Variants in ERO1A observed in about 807,000 individuals in gnomAD.
The protein encoded by ERO1A is endoplasmic reticulum oxidoreductase 1 alpha.
A neutral mutation model predicts 76.9 loss-of-function variants in ERO1A; 49 were observed. That is an observed-to-expected ratio of 0.64 (90% CI 0.51 to 0.81). The LOEUF (loss-of-function observed/expected upper bound fraction) is 0.81, where lower values mean the gene tolerates loss of function less well. Among genes scored for constraint, ERO1A ranks in the 30% least tolerant of loss-of-function variants. ERO1A has a pLI of 0.00. For missense variants in ERO1A, 448 were observed against 542.1 expected (o/e 0.83, Z 1.72); for synonymous variants, 174 against 181.2 (o/e 0.96, Z 0.32).
rs1332581420 is a variant in ERO1A, at chr14:52,641,050, G to C, written c.*2520C>G. ...AAGGAATAAATGAAGAGGCCAAAAG[G>C]TGGGGGGTGGTTCAGGAGTGAGCAA... On this transcript the variant is annotated 3_prime_UTR_variant, in exon 16 of 16. Transcript: ENST00000395686. The C allele has an allele frequency of 6.6e-6, 1 of 152,190 alleles. No homozygotes were observed. Among genetic ancestry groups the C allele is most frequent in the Non-Finnish European group, 1.5e-5 (1 of 68,046 alleles). The allele number at this position is 152,190 out of a possible 1,614,324, so 9.4% of individuals were successfully genotyped here. A position where few individuals can be genotyped will look rare whatever the true frequency, so the allele number is the denominator to read the frequency against.
At chr14:52,688,359 T>C (rs2041246753) in intron 1 of ERO1A, among the ~76,000 whole-genome samples, 1 of 152,146 alleles carries the variant, frequency 6.6e-6, no homozygotes, top group Admixed American at 6.5e-5. Flanking sequence ...CAGACCTCCT[T>C]AGGTTTGAAT....
At chr14:52,672,560 G>C (rs1008655394) in intron 4 of ERO1A, among the ~76,000 whole-genome samples, 31 of 151,736 alleles carry the variant, frequency 2.0e-4, no homozygotes, top group African/African-American at 7.3e-4. Context: ...CTTGAGGCCT[G>C]GAATTAAAGA....
At chr14:52,683,980 GTT>G in intron 1 of ERO1A, 73 bp from the exon 2 acceptor site, 3 of 1,216,762 alleles carry the variant, frequency 2.5e-6, no homozygotes, top group South Asian at 1.7e-5. Flanking sequence ...TCACATGGTT[GTT>G]AGGAAACAGC....
At chr14:52,693,289 G>A (rs2041420417) in intron 1 of ERO1A, among the ~76,000 whole-genome samples, 1 of 151,978 alleles carries the variant, frequency 6.6e-6, no homozygotes, top group Non-Finnish European at 1.5e-5. Context: ...CTGCCAGCAT[G>A]GCTAGAATAT....
intron 3 of ERO1A, among the ~76,000 whole-genome samples, chr14:52,679,345 T>C (rs554119227): frequency 2.0e-5 from 3 of 152,282 alleles, no homozygotes; most frequent in South Asian, 2.1e-4. Flanking sequence ...AATCGTGGCA[T>C]TTCTCTGCTA....
intron 4 of ERO1A, among the ~76,000 whole-genome samples, chr14:52,676,531 G>A (rs1027241572): frequency 6.6e-5 from 10 of 152,216 alleles, no homozygotes; most frequent in African/African-American, 2.4e-4. Context: ...AGGCTGTAAG[G>A]AGGCAGCTGT....
intron 2 of ERO1A, 63 bp from the exon 3 acceptor site, chr14:52,682,471 T>A (rs1040995757): frequency 8.1e-7 from 1 of 1,239,024 alleles, no homozygotes; most frequent in African/African-American, 1.5e-5. Flanking sequence ...AATTGACAGT[T>A]ACAAATTATG....
At chr14:52,692,185 C>T (rs2041375503) in intron 1 of ERO1A, among the ~76,000 whole-genome samples, 1 of 152,200 alleles carries the variant, frequency 6.6e-6, no homozygotes, top group African/African-American at 2.4e-5. Context: ...AATTATTCAC[C>T]AGGCTCACTT....
chr14:52,680,681 G>A (rs1330943342), intron 3 of ERO1A, among the ~76,000 whole-genome samples: 2 of 152,040 alleles, frequency 1.3e-5, no homozygotes, highest in East Asian at 3.8e-4. Flanking sequence ...GCAAAACTTA[G>A]AATACAAAAT....
chr14:52,684,150 C>CACACACACACACACACACAG (rs879218530), intron 1 of ERO1A, among the ~76,000 whole-genome samples: 2 of 139,390 alleles, frequency 1.4e-5, no homozygotes, highest in South Asian at 4.6e-4. Flanking sequence ...CACACACACA[C>CACACACACACACACACACAG]AGAGAGAGTT....
At chr14:52,673,125 T>C (rs1244652884) in intron 4 of ERO1A, among the ~76,000 whole-genome samples, 1 of 152,132 alleles carries the variant, frequency 6.6e-6, no homozygotes, top group African/African-American at 2.4e-5. Flanking sequence ...GGTCTCGCTC[T>C]GTCGCCCAGG....
In ERO1A at chr14:52,680,440, C is replaced by T. The variant is rs919405902; in HGVS notation, c.318+1885G>A. On this transcript the variant is annotated intron_variant, in intron 3 of 15. Transcript: ENST00000395686. ...TTCCAAATGGTGTCCCCTAGTTCTACACTTCATCAATAATAATCAGAAATA... is the reference window on the plus strand; with the variant it reads ...TTCCAAATGGTGTCCCCTAGTTCTATACTTCATCAATAATAATCAGAAATA... 1.2e-3 allele frequency among the ~76,000 whole-genome samples: 187 copies of T among 152,272 alleles called. 1 individual carries two copies. Among genetic ancestry groups the T allele is most frequent in the African/African-American group, 4.4e-3 (184 of 41,552 alleles).
chr14:52,673,329 G>A (rs750900190), intron 4 of ERO1A, among the ~76,000 whole-genome samples: 3 of 152,122 alleles, frequency 2.0e-5, no homozygotes, highest in Non-Finnish European at 4.4e-5. Context: ...GTCTCAAGCA[G>A]TCTGTCTGCC....
At chr14:52,677,369 A>G (rs1275686354) in intron 4 of ERO1A, among the ~76,000 whole-genome samples, 1 of 152,300 alleles carries the variant, frequency 6.6e-6, no homozygotes, top group African/African-American at 2.4e-5. Flanking sequence ...TATCAAAAAA[A>G]TGAATCTGAA....
Position 52,678,592 on chromosome 14 carries a change from A to T in ERO1A, c.319-120T>A. ...ACAAATTATCGAAGTTGGATTTTTT[A>T]ACAGAATAGGTAGTATTCATATGAT... On this transcript the variant is annotated intron_variant, in intron 3 of 15. Transcript: ENST00000395686. 3.8e-6 allele frequency: 3 copies of T among 797,100 alleles called. No individual in the cohort carries two copies. In the South Asian group the frequency reaches 4.9e-5, roughly 13 times the overall value. The allele number at this position is 797,100 out of a possible 1,614,324, so 49.4% of individuals were successfully genotyped here. A position where few individuals can be genotyped will look rare whatever the true frequency, so the allele number is the denominator to read the frequency against.
At chr14:52,686,033 G>A (rs1313663597) in intron 1 of ERO1A, among the ~76,000 whole-genome samples, 1 of 152,170 alleles carries the variant, frequency 6.6e-6, no homozygotes, top group Non-Finnish European at 1.5e-5. Flanking sequence ...CCAACATGGT[G>A]AAGCCCCATC....
chr14:52,652,941 G>T, intron 12 of ERO1A, 128 bp downstream of exon 12: 1 of 631,564 alleles, frequency 1.6e-6, no homozygotes, highest in Non-Finnish European at 2.7e-6. Context: ...GCTGCAGTGA[G>T]CCATGACCGT....
Position 52,683,815 on chromosome 14 carries a change from A to G in ERO1A, c.207T>C (p.Leu69=). The G allele has an allele frequency of 6.5e-7, 1 of 1,534,324 alleles. No individual in the cohort carries two copies. The highest frequency in any genetic ancestry group is 2.3e-5 in the East Asian group (1 of 44,044). The change falls in exon 2 of 16, where the codon CTT becomes CTC. Residue 69 remains leucine (L), a synonymous_variant. Transcript: ENST00000395686. ...TGTAATACCTAAAGTAGTCACTTTC[A>G]AGAAGTTTTTGTAGTCTTGGGAAAA... The part of the protein sequence containing the change: ...YRLFPRLQKL[L]ESDYFRYYKV...
At chr14:52,664,927 G>A (rs1267631112) in intron 7 of ERO1A, among the ~76,000 whole-genome samples, 4 of 151,876 alleles carry the variant, frequency 2.6e-5, no homozygotes, top group South Asian at 2.1e-4. Flanking sequence ...TCCTGACCTC[G>A]TGATCCGCCC....
Sources: gnomAD v4.1 joint callset for allele counts (sites outside exome capture counted in the v4.1 genomes callset) on GRCh38, gnomAD v4.1.1 for gene constraint, MANE v1.5 for transcripts, NCBI Gene and HGNC (gene_info 2026-07-23, HGNC 2026-07-21) for gene names.